PDE4D: variants seen among roughly 807,000 people sequenced by gnomAD.
PDE4D encodes the protein 3',5'-cyclic-AMP phosphodiesterase 4D.
PDE4D carries 24 observed loss-of-function variants against 87.4 expected under a neutral mutation model. That is an observed-to-expected ratio of 0.27 (90% confidence interval 0.20 to 0.39). PDE4D has a LOEUF of 0.39. Among genes scored for constraint, PDE4D ranks in the 10% least tolerant of loss-of-function variants. The probability of loss-of-function intolerance (pLI) is 1.00; values close to 1 mark genes in which losing one functional copy is unlikely to be tolerated. For synonymous variants in PDE4D, 384 were observed against 383.2 expected (o/e 1.00, Z -0.02); for missense variants, 714 against 1,041.0 (o/e 0.69, Z 4.32).
chr5:59,276,323 G>A (rs906124392), intron 1 of PDE4D, among the ~76,000 whole-genome samples: 3 of 151,900 alleles, frequency 2.0e-5, no homozygotes, highest in Admixed American at 6.6e-5. Flanking sequence ...GTAACATTCC[G>A]TGATCACCTT....
chr5:59,946,974 C>T (rs938540064), intron 3 of PDE4D, among the ~76,000 whole-genome samples: 5 of 152,164 alleles, frequency 3.3e-5, no homozygotes, highest in Non-Finnish European at 7.3e-5. Context: ...CTTTCTCTTA[C>T]ATCCCTGTTT....
At chr5:59,078,193 G>A (rs1766045837) in intron 5 of PDE4D, among the ~76,000 whole-genome samples, 1 of 152,006 alleles carries the variant, frequency 6.6e-6, no homozygotes, top group Non-Finnish European at 1.5e-5. Context: ...TATTAAAAAA[G>A]GCCATCAGTA....
At chr5:60,064,521 T>C (rs1771836034) in intron 2 of PDE4D, among the ~76,000 whole-genome samples, 1 of 152,132 alleles carries the variant, frequency 6.6e-6, no homozygotes, top group Non-Finnish European at 1.5e-5. Context: ...AGCACTACTT[T>C]GCAATCTTCT....
chr5:60,463,131 T>C (rs887401143), intron 1 of PDE4D, among the ~76,000 whole-genome samples: 1 of 152,152 alleles, frequency 6.6e-6, no homozygotes, highest in African/African-American at 2.4e-5. Flanking sequence ...TATGGAATTT[T>C]AAAAGAAAAC....
At chr5:60,352,861 G>T (rs1759315832) in intron 1 of PDE4D, among the ~76,000 whole-genome samples, 1 of 152,122 alleles carries the variant, frequency 6.6e-6, no homozygotes, top group Admixed American at 6.5e-5. Flanking sequence ...TTATATTTGT[G>T]ATTATTTCTA....
chr5:59,797,518 T>A (rs2152659159), intron 1 of PDE4D, among the ~76,000 whole-genome samples: 1 of 152,322 alleles, frequency 6.6e-6, no homozygotes, highest in South Asian at 2.1e-4. Context: ...TTTAGCAATA[T>A]AAAATATATT....
rs115699653 is a variant in PDE4D at position 59,412,297 on chromosome 5, C to T, written c.456-196329G>A. Among the ~76,000 whole-genome samples, 1,323 of 152,276 alleles carry T rather than the reference C, an allele frequency of 8.7e-3. 24 individuals are homozygous for T. Among genetic ancestry groups the T allele is most frequent in the African/African-American group, 0.03 (1,264 of 41,546 alleles). On this transcript the variant is annotated intron_variant, in intron 1 of 14. Coordinates refer to ENST00000340635, the MANE Select transcript of PDE4D (RefSeq NM_001104631.2). ...AGTCAGGCACTTATAAAGGCTACTT[C>T]TGTTACTTTCTCTTGTCACCATTTC...
intron 1 of PDE4D, among the ~76,000 whole-genome samples, chr5:59,339,757 T>C (rs1293398477): frequency 6.6e-6 from 1 of 152,128 alleles, no homozygotes; most frequent in East Asian, 1.9e-4. Context: ...ATGGTAAATG[T>C]TGGTGTCTTA....
chr5:59,385,049 C>T (rs1474602812), intron 1 of PDE4D, among the ~76,000 whole-genome samples: 4 of 152,096 alleles, frequency 2.6e-5, no homozygotes, highest in African/African-American at 9.7e-5. Context: ...ATATCTGCCA[C>T]CCCTCTCAGA....
intron 1 of PDE4D, among the ~76,000 whole-genome samples, chr5:60,409,622 C>G (rs1213723322): frequency 6.6e-6 from 1 of 152,116 alleles, no homozygotes; most frequent in Non-Finnish European, 1.5e-5. Flanking sequence ...TGTGCTCTTC[C>G]TTGCTTTTCA....
chr5:60,473,128 G>A (rs200270532), intron 1 of PDE4D, among the ~76,000 whole-genome samples: 3,843 of 31,850 alleles, frequency 0.12, 55 homozygotes, highest in African/African-American at 0.15. Flanking sequence ...AGAAAGAAAG[G>A]AAGGAAGGAA....
At chr5:59,511,007 ATAAG>A (rs749731835) in intron 1 of PDE4D, among the ~76,000 whole-genome samples, 84 of 152,142 alleles carry the variant, frequency 5.5e-4, no homozygotes, top group Non-Finnish European at 9.1e-4. Context: ...AATAAGATTA[ATAAG>A]TAAGTTATCA....
chr5:60,074,165 G>A (rs1458778299), intron 2 of PDE4D, among the ~76,000 whole-genome samples: 1 of 152,092 alleles, frequency 6.6e-6, no homozygotes, highest in Non-Finnish European at 1.5e-5. Flanking sequence ...AGCATTTAGT[G>A]CTATAAATTT....
chr5:60,284,450 A>G (rs1752226210), intron 1 of PDE4D, among the ~76,000 whole-genome samples: 1 of 152,198 alleles, frequency 6.6e-6, no homozygotes, highest in East Asian at 1.9e-4. Flanking sequence ...AAAGTAATCA[A>G]TGCCTGTAGG....
At chr5:59,237,265 C>T (rs995517795) in intron 1 of PDE4D, among the ~76,000 whole-genome samples, 1 of 152,248 alleles carries the variant, frequency 6.6e-6, no homozygotes, top group African/African-American at 2.4e-5. Context: ...CACATTTCTC[C>T]CCTTATCAAC....
intron 1 of PDE4D, among the ~76,000 whole-genome samples, chr5:59,599,404 AT>A (rs926771415): frequency 6.0e-5 from 9 of 148,884 alleles, no homozygotes; most frequent in African/African-American, 1.2e-4. Context: ...TTATTTATTT[AT>A]TTTTTTTTTA....
chr5:60,038,340 T>C (rs1043236952), intron 2 of PDE4D, among the ~76,000 whole-genome samples: 1 of 152,194 alleles, frequency 6.6e-6, no homozygotes, highest in Non-Finnish European at 1.5e-5. Context: ...GCTTTCTACA[T>C]ATGGCTAGCC....
intron 1 of PDE4D, among the ~76,000 whole-genome samples, chr5:59,523,330 G>A (rs1476219023): frequency 1.3e-5 from 2 of 152,176 alleles, no homozygotes; most frequent in African/African-American, 4.8e-5. Flanking sequence ...TCAAATATCA[G>A]CTTTGAACCA....
chr5:59,533,465 G>A (rs1814588593), intron 1 of PDE4D, among the ~76,000 whole-genome samples: 1 of 152,098 alleles, frequency 6.6e-6, no homozygotes, highest in Non-Finnish European at 1.5e-5. Context: ...AAGGGTGGGG[G>A]GGTCAAACAA....
Sources: allele counts gnomAD v4.1 joint callset (sites outside exome capture counted in the v4.1 genomes callset), GRCh38; gene constraint gnomAD v4.1.1; transcripts MANE v1.5; gene names NCBI Gene and HGNC (gene_info 2026-07-23, HGNC 2026-07-21).